OSBPL10: variants seen among roughly 807,000 people sequenced by gnomAD.
OSBPL10 encodes oxysterol-binding protein-related protein 10.
A neutral mutation model predicts 81.7 loss-of-function variants in OSBPL10; 49 were observed. That is an observed-to-expected ratio of 0.60 (90% CI 0.48 to 0.76). OSBPL10 has a LOEUF of 0.76. OSBPL10 is among the 30% of genes least tolerant of loss of function. The pLI, the probability that OSBPL10 is intolerant of heterozygous loss-of-function variation, is 0.00. For synonymous variants in OSBPL10, 419 were observed against 383.6 expected (o/e 1.09, Z -1.08); for missense variants, 923 against 987.8 (o/e 0.93, Z 0.88).
chr3:31,833,063 A>G (rs1170286722), intron 3 of OSBPL10, among the ~76,000 whole-genome samples: 4 of 152,194 alleles, frequency 2.6e-5, no homozygotes, highest in Admixed American at 2.0e-4. Flanking sequence ...ATAACCATAT[A>G]ATAATCACCT....
chr3:31,927,139 A>T (rs572710437), intron 1 of OSBPL10, among the ~76,000 whole-genome samples: 143 of 152,196 alleles, frequency 9.4e-4, no homozygotes, highest in African/African-American at 3.4e-3. Flanking sequence ...AAAAAGTCAA[A>T]GGTAAAGTAA....
intron 1 of OSBPL10, among the ~76,000 whole-genome samples, chr3:32,054,181 A>C (rs1434161770): frequency 6.6e-6 from 1 of 152,308 alleles, no homozygotes; most frequent in African/African-American, 2.4e-5. Flanking sequence ...CTATTTTAAA[A>C]TATCAAGTGC....
chr3:32,016,909 G>C (rs890023273), intron 2 of OSBPL10, among the ~76,000 whole-genome samples: 3 of 152,126 alleles, frequency 2.0e-5, no homozygotes, highest in African/African-American at 7.2e-5. Context: ...GTAAAGACCT[G>C]GCACCCACAT....
chr3:32,038,963 A>T (rs1047721961), intron 2 of OSBPL10, among the ~76,000 whole-genome samples: 3 of 152,056 alleles, frequency 2.0e-5, no homozygotes, highest in Admixed American at 6.6e-5. Context: ...GAGACAAAAT[A>T]AAAAAAATTA....
chr3:31,907,267 T>A (rs1458673152), intron 1 of OSBPL10, among the ~76,000 whole-genome samples: 3 of 152,168 alleles, frequency 2.0e-5, no homozygotes, highest in Admixed American at 6.5e-5. Context: ...TCTTATTTTG[T>A]CGTCTTAAAA....
chr3:31,805,065 T>C (rs1266434028), intron 4 of OSBPL10, among the ~76,000 whole-genome samples: 1 of 152,210 alleles, frequency 6.6e-6, no homozygotes, highest in Non-Finnish European at 1.5e-5. Flanking sequence ...CAGGGTCTGA[T>C]GTATCTGAGC....
intron 5 of OSBPL10, among the ~76,000 whole-genome samples, chr3:31,742,758 G>C (rs993049129): frequency 6.6e-6 from 1 of 152,074 alleles, no homozygotes; most frequent in African/African-American, 2.4e-5. Context: ...CTGTACCCTC[G>C]AATCACTTTC....
intron 6 of OSBPL10, chr3:31,707,536 C>T (rs1696111967): frequency 6.6e-6 from 1 of 152,148 alleles, no homozygotes; most frequent in African/African-American, 2.4e-5. Context: ...CTGAGCCATA[C>T]CAAAAAACCT....
intron 2 of OSBPL10, among the ~76,000 whole-genome samples, chr3:32,034,177 G>T (rs1038072452): frequency 1.4e-4 from 21 of 152,150 alleles, no homozygotes; most frequent in Non-Finnish European, 3.1e-4. Context: ...ACCTCCACCT[G>T]ATCCCACCTT....
upstream of OSBPL10, among the ~76,000 whole-genome samples, chr3:31,982,814 C>CA (rs1298417318): frequency 1.3e-5 from 2 of 152,216 alleles, no homozygotes; most frequent in Non-Finnish European, 2.9e-5. Context: ...CAAGAATGTT[C>CA]ATTTGTTCAA....
chr3:31,852,349 G>T (rs1168005051), intron 3 of OSBPL10, among the ~76,000 whole-genome samples: 1 of 152,092 alleles, frequency 6.6e-6, no homozygotes, highest in Non-Finnish European at 1.5e-5. Context: ...AAGAGTACAG[G>T]GATGTGCTGA....
At chr3:31,921,882 C>T (rs1696927438) in intron 1 of OSBPL10, among the ~76,000 whole-genome samples, 3 of 152,188 alleles carry the variant, frequency 2.0e-5, no homozygotes, top group East Asian at 1.9e-4. Context: ...ATAGTATGTA[C>T]CCTTGATATG....
chr3:31,912,129 C>A (rs1696597634), intron 1 of OSBPL10, among the ~76,000 whole-genome samples: 1 of 151,960 alleles, frequency 6.6e-6, no homozygotes, highest in South Asian at 2.1e-4. Context: ...GGCGCAGTGG[C>A]TCACGCCTGT....
chr3:32,029,928 AT>A (rs1222513245), intron 2 of OSBPL10, among the ~76,000 whole-genome samples: 2 of 152,214 alleles, frequency 1.3e-5, no homozygotes, highest in Non-Finnish European at 2.9e-5. Flanking sequence ...ATAATTTTAT[AT>A]CTGAAAGCAA....
chr3:31,678,806 G>T (rs1362874518), intron 8 of OSBPL10, among the ~76,000 whole-genome samples: 1 of 151,282 alleles, frequency 6.6e-6, no homozygotes, highest in Non-Finnish European at 1.5e-5. Flanking sequence ...GTGTGTGTGT[G>T]TGTGTGTGTG....
intron 1 of OSBPL10, among the ~76,000 whole-genome samples, chr3:31,904,073 G>T (rs1323343739): frequency 6.6e-5 from 10 of 152,150 alleles, no homozygotes; most frequent in Non-Finnish European, 4.4e-5. Flanking sequence ...TCTCACAAGG[G>T]CTGACAGGTC....
At chr3:31,922,207 T>C (rs192411021) in intron 1 of OSBPL10, among the ~76,000 whole-genome samples, 5 of 152,350 alleles carry the variant, frequency 3.3e-5, no homozygotes, top group East Asian at 3.9e-4. Flanking sequence ...CAGTTAATAA[T>C]GAGGTGTAAT....
chr3:31,668,578 C>T (rs1291351776), intron 10 of OSBPL10, 64 bp downstream of exon 10: 2 of 1,421,912 alleles, frequency 1.4e-6, no homozygotes, highest in Admixed American at 4.5e-5. Flanking sequence ...TCTTTCTTCT[C>T]TGTCCCTTGA....
Position 31,778,344 on chromosome 3 carries a change from C to T in OSBPL10, c.730-30224G>A, listed in dbSNP as rs772035985. On this transcript the variant is annotated intron_variant, in intron 4 of 11. Coordinates refer to ENST00000396556, the MANE Select transcript of OSBPL10 (RefSeq NM_017784.5). ...CCCCCATCCTCCACAGTGGCCGTGGCAAGCCCTGCCCAAGGAGAGTCTGAG... is the reference window on the plus strand; with the variant it reads ...CCCCCATCCTCCACAGTGGCCGTGGTAAGCCCTGCCCAAGGAGAGTCTGAG... Among the ~76,000 whole-genome samples the T allele has an allele frequency of 5.3e-5, 8 of 152,166 alleles. 1 individual carries two copies. Among genetic ancestry groups the T allele is most frequent in the Non-Finnish European group, 1.0e-4 (7 of 68,022 alleles).
Sources: gnomAD v4.1 joint callset for allele counts (sites outside exome capture counted in the v4.1 genomes callset) on GRCh38, gnomAD v4.1.1 for gene constraint, MANE v1.5 for transcripts, NCBI Gene and HGNC (gene_info 2026-07-23, HGNC 2026-07-21) for gene names.